DRC8: variants seen among roughly 807,000 people sequenced by gnomAD.
DRC8 encodes dynein regulatory complex protein 8.
At chr1:244,993,715 C>G in the DRC8 span, among the ~76,000 whole-genome samples, 3 of 152,142 alleles carry the variant, frequency 2.0e-5, no homozygotes, top group African/African-American at 7.2e-5. Context: ...TGGTGAGGGC[C>G]TTCTTGCTGC....
chr1:245,105,622 C>CAAAAAAAAA, the DRC8 span, among the ~76,000 whole-genome samples: 1 of 114,328 alleles, frequency 8.7e-6, no homozygotes, highest in Non-Finnish European at 1.7e-5. Flanking sequence ...GACCCCATCT[C>CAAAAAAAAA]AAAAAAAAAA....
At chr1:245,016,916 G>A in the DRC8 span, among the ~76,000 whole-genome samples, 93 of 152,328 alleles carry the variant, frequency 6.1e-4, no homozygotes, top group African/African-American at 2.2e-3. Context: ...GAGATAGAGA[G>A]GCCGCTGCTG....
chr1:245,084,059 T>TCCCCC, the DRC8 span, among the ~76,000 whole-genome samples: 7 of 31,124 alleles, frequency 2.2e-4, no homozygotes, highest in African/African-American at 3.3e-4. Context: ...ATATAAAAAT[T>TCCCCC]CCGCCCCCCC....
chr1:245,087,651 T>G, the DRC8 span: 1 of 1,045,186 alleles, frequency 9.6e-7, no homozygotes, highest in Non-Finnish European at 1.2e-6. Flanking sequence ...ACCTTCGAAT[T>G]AATTAAGCTG....
the DRC8 span, among the ~76,000 whole-genome samples, chr1:245,095,790 G>T: frequency 6.6e-6 from 1 of 151,424 alleles, no homozygotes; most frequent in African/African-American, 2.4e-5. Context: ...TAATTTAATT[G>T]TTCACTTAGA....
the DRC8 span, chr1:244,970,097 G>A: frequency 3.0e-6 from 2 of 667,366 alleles, no homozygotes; most frequent in Middle Eastern, 2.7e-4. Flanking sequence ...GGAAAGGAGG[G>A]GTTGGGGACC....
chr1:245,078,462 C>T, the DRC8 span, among the ~76,000 whole-genome samples: 1 of 34,982 alleles, frequency 2.9e-5, no homozygotes, highest in Non-Finnish European at 7.0e-5. Context: ...AGTATATGTA[C>T]ACACACACAC....
At chr1:245,007,338 T>C in the DRC8 span, among the ~76,000 whole-genome samples, 13 of 152,304 alleles carry the variant, frequency 8.5e-5, no homozygotes, top group Middle Eastern at 3.4e-3. Flanking sequence ...TAATCTTTGA[T>C]TGGATTTTAG....
At chr1:245,002,289 T>G in the DRC8 span, 4 of 1,419,334 alleles carry the variant, frequency 2.8e-6, no homozygotes, top group Non-Finnish European at 3.9e-6. Context: ...ACCATCTCTC[T>G]GCCTCCAGCC....
At chr1:245,087,866 A>G in the DRC8 span, 1 of 615,656 alleles carries the variant, frequency 1.6e-6, no homozygotes, top group Non-Finnish European at 2.0e-6. Flanking sequence ...AATTACAAAT[A>G]TCATTTGGGA....
chr1:245,071,286 T>C, the DRC8 span, among the ~76,000 whole-genome samples: 1 of 152,222 alleles, frequency 6.6e-6, no homozygotes, highest in Non-Finnish European at 1.5e-5. Flanking sequence ...CTAATGGTGA[T>C]TCTGATGAGG....
chr1:245,006,259 A>G, the DRC8 span, among the ~76,000 whole-genome samples: 305 of 152,216 alleles, frequency 2.0e-3, no homozygotes, highest in Non-Finnish European at 3.5e-3. Context: ...ACTAAAGGCA[A>G]AAAGGCAGGA....
At chr1:245,111,389 C>T in the DRC8 span, among the ~76,000 whole-genome samples, 2 of 152,192 alleles carry the variant, frequency 1.3e-5, no homozygotes, top group Non-Finnish European at 2.9e-5. Flanking sequence ...GGCTCCTTCT[C>T]CCCTCAACCT....
chr1:245,035,836 C>T, the DRC8 span, among the ~76,000 whole-genome samples: 1 of 145,208 alleles, frequency 6.9e-6, no homozygotes, highest in Non-Finnish European at 1.5e-5. Context: ...CACTGCACTC[C>T]AGTCTGGGCA....
At chr1:245,091,694 G>T in the DRC8 span, 1 of 152,146 alleles carries the variant, frequency 6.6e-6, no homozygotes, top group African/African-American at 2.4e-5. Flanking sequence ...AAATTTGTCT[G>T]TTTCTTTTAA....
the DRC8 span, chr1:245,002,229 C>T: frequency 1.2e-6 from 2 of 1,605,628 alleles, no homozygotes; most frequent in South Asian, 2.2e-5. Flanking sequence ...ATGGGGAACA[C>T]AGGGTACAGT....
the DRC8 span, chr1:244,970,351 G>A: frequency 1.7e-5 from 26 of 1,527,716 alleles, 1 homozygote; most frequent in Non-Finnish European, 2.2e-5. Context: ...GCGGGGCGCT[G>A]AGCAGGCCGG....
At chr1:245,041,626 C>G in the DRC8 span, among the ~76,000 whole-genome samples, 1 of 152,056 alleles carries the variant, frequency 6.6e-6, no homozygotes, top group Non-Finnish European at 1.5e-5. Flanking sequence ...GTCTTAACCT[C>G]CAGTATACCT....
At chr1:245,052,196 G>A in the DRC8 span, among the ~76,000 whole-genome samples, 3 of 152,228 alleles carry the variant, frequency 2.0e-5, no homozygotes, top group African/African-American at 7.2e-5. Flanking sequence ...CAACACCCAG[G>A]ACAGATTTGA....
Sources: allele counts gnomAD v4.1 joint callset (sites outside exome capture counted in the v4.1 genomes callset), GRCh38; gene constraint gnomAD v4.1.1; transcripts MANE v1.5; gene names NCBI Gene and HGNC (gene_info 2026-07-23, HGNC 2026-07-21).